The following TRIP11 variants were observed in gnomAD, a reference collection of about 807,000 sequenced individuals.
TRIP11 encodes thyroid hormone receptor interactor 11.
In TRIP11, 148 loss-of-function variants were observed where a neutral mutation model predicts 223.1. The observed-to-expected ratio is 0.66, with a 90% CI of 0.58 to 0.76. The LOEUF (loss-of-function observed/expected upper bound fraction) is 0.76. Among genes scored for constraint, TRIP11 ranks in the 30% least tolerant of loss-of-function variants. The pLI, the probability that TRIP11 is intolerant of heterozygous loss-of-function variation, is 0.00. For synonymous variants in TRIP11, 762 were observed against 772.6 expected, an observed-to-expected ratio of 0.99 and a Z score of 0.23; for missense variants, 2,043 against 2,222.0, an observed-to-expected ratio of 0.92 and a Z score of 1.62.
chr14:91,989,239 C>T (rs1252591884), intron 15 of TRIP11, among the ~76,000 whole-genome samples: 2 of 152,064 alleles, frequency 1.3e-5, no homozygotes, highest in African/African-American at 2.4e-5. Flanking sequence ...CCATCTATCC[C>T]CAGATAATCA....
chr14:92,022,255 G>GT (rs2057124771), intron 3 of TRIP11, among the ~76,000 whole-genome samples: 1 of 152,218 alleles, frequency 6.6e-6, no homozygotes, highest in African/African-American at 2.4e-5. Flanking sequence ...AGGGTGTTGT[G>GT]TAACTGATTA....
chr14:92,016,859 A>T (rs2057041367), intron 5 of TRIP11, among the ~76,000 whole-genome samples: 1 of 152,212 alleles, frequency 6.6e-6, no homozygotes, highest in South Asian at 2.1e-4. Flanking sequence ...TAGTATTGTA[A>T]TAATAATGAA....
chr14:92,025,297 T>C lies in TRIP11; in HGVS notation c.312+13A>G, dbSNP rs1286973017. The C allele has an allele frequency of 6.3e-7, 1 of 1,587,526 alleles. No homozygotes were observed. Among genetic ancestry groups the C allele is most frequent in the East Asian group, 2.2e-5 (1 of 44,640 alleles). ...CAGTGAAGTACATATGAAGTAACTG[T>C]GATAACATTTACCTCTTTTTGTTGA... On this transcript the variant is annotated intron_variant, in intron 3 of 20. Coordinates refer to ENST00000267622, the MANE Select transcript of TRIP11 (RefSeq NM_004239.4).
intron 19 of TRIP11, 93 bp from the exon 20 acceptor site, chr14:91,972,954 A>G: frequency 9.1e-7 from 1 of 1,102,784 alleles, no homozygotes; most frequent in Non-Finnish European, 1.3e-6. Context: ...ATTAAATATT[A>G]AAAATTAATC....
rs767198328 is a variant in TRIP11 at position 92,021,631 on chromosome 14, T to C, written c.513A>G (p.Gln171=). Residue 171 remains glutamine, a synonymous_variant, in exon 4 of 21, where the codon CAA becomes CAG. Transcript: ENST00000267622. ...CATTTGAGAGTCGGTTTATTTCTTG[T>C]TGGGATGAAATTATATCACCAAAGT... The part of the protein sequence containing the change: ...DMDFGDIISS[Q]QEINRLSNEV... The C allele has an allele frequency of 1.9e-6, 3 of 1,614,062 alleles. No homozygotes were observed. The highest frequency in any genetic ancestry group is 2.2e-5 in the South Asian group (2 of 91,088).
rs73341732 is a variant in TRIP11 at position 91,974,409 on chromosome 14, C to T, written c.5574+218G>A. On this transcript the variant is annotated intron_variant, in intron 19 of 20. Coordinates refer to ENST00000267622, the MANE Select transcript of TRIP11 (RefSeq NM_004239.4). ...AAGTTAATATTTTGAAAAATAAAAGCACCATATAGAGTTAAAATAAAACCT... is the reference window on the plus strand; with the variant it reads ...AAGTTAATATTTTGAAAAATAAAAGTACCATATAGAGTTAAAATAAAACCT... Among the ~76,000 whole-genome samples, 614 of 152,238 alleles carry T rather than the reference C, an allele frequency of 4.0e-3. 3 individuals carry two copies. Among genetic ancestry groups the T allele is most frequent in the African/African-American group, 0.014 (580 of 41,556 alleles).
chr14:92,021,418 C>T (rs900654733), intron 4 of TRIP11, 138 bp downstream of exon 4: 1 of 743,450 alleles, frequency 1.3e-6, no homozygotes, highest in Non-Finnish European at 2.2e-6. Flanking sequence ...AAGAAAGTCA[C>T]TGACGGAATT....
intron 2 of TRIP11, among the ~76,000 whole-genome samples, chr14:92,027,482 A>AT (rs142781526): frequency 6.6e-6 from 1 of 151,628 alleles, no homozygotes; most frequent in African/African-American, 2.4e-5. Flanking sequence ...GTTGCTGTTT[A>AT]TTTTTTTTGG....
intron 16 of TRIP11, among the ~76,000 whole-genome samples, chr14:91,980,140 C>T (rs992328607): frequency 1.2e-4 from 19 of 152,108 alleles, no homozygotes; most frequent in African/African-American, 4.3e-4. Flanking sequence ...GTGCCATGGT[C>T]TTCAACATTT....
At chr14:92,027,399 T>C (rs2057203776) in intron 2 of TRIP11, among the ~76,000 whole-genome samples, 2 of 152,132 alleles carry the variant, frequency 1.3e-5, no homozygotes, top group South Asian at 4.1e-4. Flanking sequence ...GTACTATAAG[T>C]AGTTGGTTTG....
At position 92,011,839 on chromosome 14, in the gene TRIP11, T is replaced by C. The variant is rs776319131; in HGVS notation, c.1187-44A>G. 36 of 1,573,212 alleles carry C rather than the reference T, an allele frequency of 2.3e-5. No individual in the cohort carries two copies. The South Asian group carries it at 3.9e-4, about 17-fold the overall frequency. On this transcript the variant is annotated intron_variant, in intron 7 of 20. Coordinates refer to ENST00000267622, the MANE Select transcript of TRIP11 (RefSeq NM_004239.4). The stretch of plus-strand genomic sequence containing the variant: ...AACTTGACATTAAAATTATTTAGAG[T>C]AACTTATTATCTTCAATATTAAACT...
intron 1 of TRIP11, among the ~76,000 whole-genome samples, chr14:92,036,606 T>C (rs1448748723): frequency 2.0e-5 from 3 of 152,248 alleles, no homozygotes; most frequent in African/African-American, 7.2e-5. Flanking sequence ...CCTTCTGATA[T>C]TGTAAATATG....
intron 9 of TRIP11, among the ~76,000 whole-genome samples, chr14:92,008,636 A>AC (rs2056934759): frequency 2.0e-5 from 3 of 152,226 alleles, no homozygotes; most frequent in Non-Finnish European, 4.4e-5. Context: ...TTTGTAATAA[A>AC]CTATATATTA....
intron 18 of TRIP11, 96 bp from the exon 19 acceptor site, chr14:91,974,839 T>G (rs948972595): frequency 9.5e-7 from 1 of 1,056,236 alleles, no homozygotes; most frequent in Admixed American, 2.3e-5. Flanking sequence ...TTGTAAAGCA[T>G]GCTTTTCAAG....
At chr14:92,002,303 A>G (rs1371055355) in intron 11 of TRIP11, among the ~76,000 whole-genome samples, 2 of 152,230 alleles carry the variant, frequency 1.3e-5, no homozygotes, top group African/African-American at 2.4e-5. Context: ...GGCACTATCC[A>G]TATAACTGCT....
At chr14:91,994,829 T>C (rs1040944682) in intron 14 of TRIP11, among the ~76,000 whole-genome samples, 1 of 152,184 alleles carries the variant, frequency 6.6e-6, no homozygotes, top group South Asian at 2.1e-4. Context: ...GTTACTATTA[T>C]TGTGTCTCCA....
Position 91,968,921 on chromosome 14 carries a change from T to C in TRIP11, c.*752A>G, listed in dbSNP as rs1005236867. On this transcript the variant is annotated 3_prime_UTR_variant, in exon 21 of 21. Coordinates refer to ENST00000267622, the MANE Select transcript of TRIP11 (RefSeq NM_004239.4). ...CAGGGGGATGCTTGTAATGGAAGTC[T>C]TCCGTGTCTTGCCTGTGGTGGTAGT... is the stretch of plus-strand genomic sequence containing the variant. 3.0e-5 allele frequency: 7 copies of C among 231,798 alleles called. No homozygotes were observed. Among genetic ancestry groups the C allele is most frequent in the Admixed American group, 1.7e-4 (3 of 17,708 alleles). The allele number at this position is 231,798 out of a possible 1,614,324, so 14.4% of individuals were successfully genotyped here.
intron 14 of TRIP11, 26 bp downstream of exon 14, chr14:91,995,326 A>T: frequency 6.2e-7 from 1 of 1,612,252 alleles, no homozygotes; most frequent in Middle Eastern, 2.0e-4. Context: ...ATTTTTCTTC[A>T]TTGAAAGAGT....
chr14:91,988,404 A>T lies in TRIP11; in HGVS notation c.5161-21T>A, dbSNP rs2273184. 147,767 of 1,591,484 alleles carry T rather than the reference A, an allele frequency of 0.093. 7,320 individuals carry two copies. The highest frequency in any genetic ancestry group is 0.15 in the Admixed American group (8,678 of 59,738). On this transcript the variant is annotated intron_variant, in intron 15 of 20. Transcript: ENST00000267622. ...CATTCCTGAGAAAGAAAACTTTATT[A>T]AAAAAAAGTATGCAAAAATTATTTC...
Sources: gnomAD v4.1 joint callset for allele counts (sites outside exome capture counted in the v4.1 genomes callset) on GRCh38, gnomAD v4.1.1 for gene constraint, MANE v1.5 for transcripts, NCBI Gene and HGNC (gene_info 2026-07-23, HGNC 2026-07-21) for gene names.